Variants in IPO5 observed in about 807,000 individuals in gnomAD.
IPO5 encodes importin-5.
In IPO5, 18 loss-of-function variants were observed where a neutral mutation model predicts 143.3. The ratio of observed to expected loss-of-function variants is 0.13; its 90% confidence interval spans 0.09 to 0.19. The LOEUF (loss-of-function observed/expected upper bound fraction) is 0.19. Among genes scored for constraint, IPO5 ranks in the 10% least tolerant of loss-of-function variants. The pLI is 1.00. For missense variants in IPO5, 1,013 were observed against 1,336.9 expected, an observed-to-expected ratio of 0.76 and a Z score of 3.78; for synonymous variants, 477 against 465.7, an observed-to-expected ratio of 1.02 and a Z score of -0.31.
intron 2 of IPO5, among the ~76,000 whole-genome samples, chr13:97,957,436 A>T (rs1884540768): frequency 6.6e-6 from 1 of 152,014 alleles, no homozygotes; most frequent in Non-Finnish European, 1.5e-5. Flanking sequence ...CTCCGACCTC[A>T]GGTGATCCAC....
At chr13:97,985,386 T>G (rs765798249) in intron 5 of IPO5, 35 bp from the exon 6 acceptor site, 1 of 1,520,086 alleles carries the variant, frequency 6.6e-7, no homozygotes, top group Non-Finnish European at 9.1e-7. Flanking sequence ...AATGGCAGAG[T>G]GAATCTAGTT....
intron 6 of IPO5, 50 bp downstream of exon 6, chr13:97,985,663 C>CT (rs11366582): frequency 0.026 from 24,384 of 921,670 alleles, 2 homozygotes; most frequent in East Asian, 0.056. Flanking sequence ...TATATCCTTC[C>CT]TTTTTTTTTT....
chr13:97,990,792 G>A (rs1887743169), intron 9 of IPO5, among the ~76,000 whole-genome samples: 1 of 151,982 alleles, frequency 6.6e-6, no homozygotes, highest in Non-Finnish European at 1.5e-5. Context: ...TATGCTTATT[G>A]TTGAATTTAT....
At chr13:97,963,843 G>C (rs756333630) in intron 2 of IPO5, among the ~76,000 whole-genome samples, 20 of 152,010 alleles carry the variant, frequency 1.3e-4, no homozygotes, top group Non-Finnish European at 2.2e-4. Context: ...TTTCTCCACA[G>C]CCTCGCCAGC....
chr13:97,957,329 C>A (rs1388762513), intron 2 of IPO5, among the ~76,000 whole-genome samples: 1 of 152,076 alleles, frequency 6.6e-6, no homozygotes, highest in African/African-American at 2.4e-5. Flanking sequence ...TCCTGAGTAG[C>A]TGGGACTACA....
chr13:98,005,163 C>T (rs1233362460), intron 16 of IPO5, among the ~76,000 whole-genome samples: 1 of 149,734 alleles, frequency 6.7e-6, no homozygotes, highest in Non-Finnish European at 1.5e-5. Flanking sequence ...TCCCAAAGTG[C>T]TGGGATTACA....
rs1594140226 is a variant in IPO5, at chr13:98,021,197, T to C, written c.3207+64T>C. On this transcript the variant is annotated intron_variant, in intron 28 of 28. Transcript: ENST00000651721. ...ACCTTTTTTTCTTTGTAGTCCTCTA[T>C]GAGAAGAAACTAGAAATCTAATGAG... is the stretch of plus-strand genomic sequence containing the variant. 3.5e-6 allele frequency: 5 copies of C among 1,425,954 alleles called. No individual in the cohort carries two copies. In the East Asian group the frequency reaches 7.4e-5, roughly 21 times the overall value. 88.3% of individuals were successfully genotyped at this position (1,425,954 alleles called of 1,614,324 possible). A position where few individuals can be genotyped will look rare whatever the true frequency, so the allele number is the denominator to read the frequency against.
In IPO5 at chr13:97,989,120, C is replaced by G; in HGVS notation, c.423C>G (p.Ser141Arg). Residue 141 changes from serine (S) to arginine (R), a missense_variant, in exon 7 of 29, where the codon AGC becomes AGG. Coordinates refer to ENST00000651721, the MANE Select transcript of IPO5 (RefSeq NM_002271.6). Reference sequence around the variant, plus strand: ...TGAAGTTCCTTTTTGATTCAGTCAGCTCTCAAAATGTGGGACTGCGGGAAG... The same window carrying G: ...TGAAGTTCCTTTTTGATTCAGTCAGGTCTCAAAATGTGGGACTGCGGGAAG... Reference protein sequence around the residue: ...EGLKFLFDSVSSQNVGLREAA... With the variant: ...EGLKFLFDSVRSQNVGLREAA... The G allele has an allele frequency of 6.2e-7, 1 of 1,613,556 alleles. No homozygotes were observed. Among genetic ancestry groups the G allele is most frequent in the Non-Finnish European group, 8.5e-7 (1 of 1,179,506 alleles).
intron 6 of IPO5, among the ~76,000 whole-genome samples, chr13:97,986,123 G>GA (rs141340746): frequency 0.088 from 13,092 of 148,550 alleles, 1,474 homozygotes; most frequent in African/African-American, 0.27. Flanking sequence ...TCAAAAAAAG[G>GA]AAAAAAAAAA....
intron 3 of IPO5, 28 bp downstream of exon 3, chr13:97,969,858 A>G (rs760043792): frequency 6.4e-7 from 1 of 1,572,366 alleles, no homozygotes; most frequent in Non-Finnish European, 8.7e-7. Context: ...GGGAAAAGTC[A>G]CTTCCTGTTT....
chr13:97,983,033 G>C (rs1214728181), intron 5 of IPO5, among the ~76,000 whole-genome samples: 3 of 152,116 alleles, frequency 2.0e-5, no homozygotes, highest in African/African-American at 7.2e-5. Context: ...ACCACACCTG[G>C]CTAATTTTTG....
At chr13:97,956,076 G>T (rs1970302) in intron 2 of IPO5, among the ~76,000 whole-genome samples, 1 of 150,522 alleles carries the variant, frequency 6.6e-6, no homozygotes, top group Non-Finnish European at 1.5e-5. Flanking sequence ...AGCTTGCAGT[G>T]AGCCAAGATC....
intron 11 of IPO5, among the ~76,000 whole-genome samples, chr13:97,994,625 C>T (rs1888086799): frequency 6.6e-6 from 1 of 152,082 alleles, no homozygotes; most frequent in African/African-American, 2.4e-5. Flanking sequence ...ATAGAACAAT[C>T]CTGAAATTCT....
At chr13:98,020,257 A>G (rs568749009) in intron 27 of IPO5, among the ~76,000 whole-genome samples, 3 of 152,240 alleles carry the variant, frequency 2.0e-5, no homozygotes, top group East Asian at 1.9e-4. Context: ...GTTCCCCCCA[A>G]ATATCAGTCA....
At position 97,976,297 on chromosome 13, in the gene IPO5, C is replaced by A. The variant is rs181999322; in HGVS notation, c.-4-396C>A. ...CCAGGCCTCGACCTCGACCTCAACC[C>A]CGACCCCGACCCCGATCCCAGCCCT... is the stretch of plus-strand genomic sequence containing the variant. On this transcript the variant is annotated intron_variant, in intron 3 of 28. Coordinates refer to ENST00000651721, the MANE Select transcript of IPO5 (RefSeq NM_002271.6). Among the ~76,000 whole-genome samples the A allele has an allele frequency of 2.7e-3, 407 of 151,738 alleles. 5 individuals are homozygous for A. The highest frequency in any genetic ancestry group is 0.02 in the East Asian group (101 of 5,082).
intron 26 of IPO5, among the ~76,000 whole-genome samples, chr13:98,018,994 G>A (rs934098980): frequency 6.3e-4 from 95 of 151,456 alleles, no homozygotes; most frequent in African/African-American, 2.1e-3. Context: ...CTTTAATTGA[G>A]GCCCAGGCTG....
chr13:97,982,288 T>C, intron 4 of IPO5: 1 of 493,914 alleles, frequency 2.0e-6, no homozygotes, highest in South Asian at 3.2e-5. Context: ...GAAACATTTG[T>C]TTAAGAGATA....
At chr13:98,014,826 C>T (rs183338602) in intron 22 of IPO5, among the ~76,000 whole-genome samples, 20 of 147,606 alleles carry the variant, frequency 1.4e-4, no homozygotes, top group African/African-American at 4.8e-4. Flanking sequence ...TTACACTTTC[C>T]TCAATTCTTC....
chr13:97,963,206 G>A (rs536916070), intron 2 of IPO5: 26 of 152,172 alleles, frequency 1.7e-4, no homozygotes, highest in African/African-American at 5.3e-4. Flanking sequence ...AAACAACGGG[G>A]CTCCAACAGC....
Sources: gnomAD v4.1 joint callset for allele counts (sites outside exome capture counted in the v4.1 genomes callset) on GRCh38, gnomAD v4.1.1 for gene constraint, MANE v1.5 for transcripts, NCBI Gene and HGNC (gene_info 2026-07-23, HGNC 2026-07-21) for gene names.